TMEM132C: variants seen among roughly 807,000 people sequenced by gnomAD.
TMEM132C encodes protein phosphatase 1, regulatory subunit 152.
TMEM132C carries 29 observed loss-of-function variants against 61.4 expected under a neutral mutation model. The ratio of observed to expected loss-of-function variants is 0.47; its 90% CI spans 0.35 to 0.64. TMEM132C has a LOEUF of 0.64. TMEM132C is among the 30% of genes least tolerant of loss of function. The pLI, the probability that TMEM132C is intolerant of heterozygous loss-of-function variation, is 0.00. For synonymous variants in TMEM132C, 656 were observed against 633.1 expected (o/e 1.04, Z -0.54); for missense variants, 1,408 against 1,476.9 (o/e 0.95, Z 0.76).
intron 1 of TMEM132C, among the ~76,000 whole-genome samples, chr12:128,275,590 G>C (rs1342202302): frequency 6.6e-6 from 1 of 152,080 alleles, no homozygotes; most frequent in African/African-American, 2.4e-5. Flanking sequence ...TAATGTGCTT[G>C]AATGATGCTG....
intron 1 of TMEM132C, among the ~76,000 whole-genome samples, chr12:128,338,040 C>T (rs534949063): frequency 6.6e-6 from 1 of 151,932 alleles, no homozygotes; most frequent in East Asian, 1.9e-4. Flanking sequence ...CACTCCTTGT[C>T]TCTGCCTTGA....
At chr12:128,438,675 G>A (rs544929794) in intron 2 of TMEM132C, among the ~76,000 whole-genome samples, 1 of 152,188 alleles carries the variant, frequency 6.6e-6, no homozygotes, top group East Asian at 1.9e-4. Context: ...GTACATTCAC[G>A]ATTTTGTGTG....
intron 1 of TMEM132C, among the ~76,000 whole-genome samples, chr12:128,355,576 C>T (rs1261217092): frequency 1.3e-5 from 2 of 151,954 alleles, no homozygotes; most frequent in African/African-American, 4.8e-5. Context: ...CCCTCCATGG[C>T]TCCCATCTTA....
chr12:128,625,895 A>G (rs762443726), intron 4 of TMEM132C, among the ~76,000 whole-genome samples: 4 of 152,138 alleles, frequency 2.6e-5, no homozygotes, highest in East Asian at 3.9e-4. Flanking sequence ...GGGGGACACA[A>G]CCATTGTGAA....
At chr12:128,455,536 A>G (rs1870311473) in intron 2 of TMEM132C, among the ~76,000 whole-genome samples, 1 of 152,228 alleles carries the variant, frequency 6.6e-6, no homozygotes, top group Non-Finnish European at 1.5e-5. Context: ...CCACTGAGAT[A>G]TGTATGTGAC....
intron 3 of TMEM132C, among the ~76,000 whole-genome samples, chr12:128,594,070 G>C (rs985054169): frequency 7.4e-5 from 9 of 121,360 alleles, no homozygotes; most frequent in East Asian, 5.8e-4. Context: ...AAACAAGAGG[G>C]AACAAAGAAA....
intron 1 of TMEM132C, among the ~76,000 whole-genome samples, chr12:128,274,198 A>G (rs1246887886): frequency 6.6e-6 from 1 of 152,048 alleles, no homozygotes; most frequent in Non-Finnish European, 1.5e-5. Context: ...ATGTGTACGC[A>G]TTTTTTCTTC....
At chr12:128,705,011 T>C (rs902061) in intron 8 of TMEM132C, 79 bp from the exon 9 acceptor site, 770,638 of 1,427,098 alleles carry the variant, frequency 0.54, 212,610 homozygotes, top group Admixed American at 0.65. Flanking sequence ...CCCTGTTTCA[T>C]TGGGCGTCCT....
At chr12:128,440,780 G>A (rs991195734) in intron 2 of TMEM132C, among the ~76,000 whole-genome samples, 2 of 152,190 alleles carry the variant, frequency 1.3e-5, no homozygotes, top group African/African-American at 4.8e-5. Context: ...CAGGCACGTT[G>A]GCTCACACCT....
chr12:128,639,539 A>G (rs1162925645), intron 4 of TMEM132C, among the ~76,000 whole-genome samples: 2 of 152,160 alleles, frequency 1.3e-5, no homozygotes, highest in African/African-American at 4.8e-5. Flanking sequence ...GAGAAAGAGA[A>G]TGGCATTTTT....
chr12:128,269,347 C>CGTGTTTGTGTGTGTGTGTGTGT (rs1555248768), intron 1 of TMEM132C, among the ~76,000 whole-genome samples: 2 of 143,050 alleles, frequency 1.4e-5, no homozygotes, highest in East Asian at 4.2e-4. Flanking sequence ...GCTCACATTC[C>CGTGTTTGTGTGTGTGTGTGTGT]GTGTGTGTGT....
chr12:128,427,766 C>T lies in TMEM132C; in HGVS notation c.974+12146C>T, dbSNP rs150534142. On this transcript the variant is annotated intron_variant, in intron 2 of 8. Transcript: ENST00000435159. ...GGCTCTCACTCAGATGAAAGCACTC[C>T]TCAGTACAATGTGCAGGAGACAGAG... Among the ~76,000 whole-genome samples, 198 of 152,322 alleles carry T rather than the reference C, an allele frequency of 1.3e-3. 2 individuals carry two copies. The highest frequency in any genetic ancestry group is 4.5e-3 in the African/African-American group (187 of 41,568).
At chr12:128,499,052 C>A (rs1021468926) in intron 2 of TMEM132C, among the ~76,000 whole-genome samples, 3 of 152,012 alleles carry the variant, frequency 2.0e-5, no homozygotes, top group Non-Finnish European at 2.9e-5. Context: ...TAGGGAAATA[C>A]AAAGGACCCA....
chr12:128,383,404 T>G (rs1025130807), intron 1 of TMEM132C, among the ~76,000 whole-genome samples: 1 of 152,118 alleles, frequency 6.6e-6, no homozygotes, highest in Non-Finnish European at 1.5e-5. Flanking sequence ...ACGCTCCGGG[T>G]GCTAAGGAGC....
chr12:128,611,478 G>C (rs1335579245), intron 3 of TMEM132C, among the ~76,000 whole-genome samples: 3 of 152,182 alleles, frequency 2.0e-5, no homozygotes, highest in Non-Finnish European at 2.9e-5. Context: ...TGGGGCGGGA[G>C]CGGGGTTAGG....
intron 3 of TMEM132C, among the ~76,000 whole-genome samples, chr12:128,582,414 CT>C (rs36054458): frequency 0.11 from 14,314 of 132,318 alleles, 750 homozygotes; most frequent in Admixed American, 0.19. Flanking sequence ...ATAGATGCTG[CT>C]TTTTTTTTTT....
At chr12:128,359,607 C>A (rs1873633305) in intron 1 of TMEM132C, among the ~76,000 whole-genome samples, 1 of 152,142 alleles carries the variant, frequency 6.6e-6, no homozygotes, top group Non-Finnish European at 1.5e-5. Flanking sequence ...ATTCCCTGAC[C>A]CTGTTCTAAA....
chr12:128,410,911 T>G (rs1868513385), intron 1 of TMEM132C, among the ~76,000 whole-genome samples: 1 of 152,204 alleles, frequency 6.6e-6, no homozygotes, highest in African/African-American at 2.4e-5. Context: ...TAGACGTCTT[T>G]TTATCCACAA....
intron 2 of TMEM132C, among the ~76,000 whole-genome samples, chr12:128,475,009 A>G (rs1264670825): frequency 6.6e-6 from 1 of 152,164 alleles, no homozygotes; most frequent in African/African-American, 2.4e-5. Context: ...CGCAGAGCAC[A>G]GAATCCAGTG....
Sources: gnomAD v4.1 joint callset for allele counts (sites outside exome capture counted in the v4.1 genomes callset) on GRCh38, gnomAD v4.1.1 for gene constraint, MANE v1.5 for transcripts, NCBI Gene and HGNC (gene_info 2026-07-23, HGNC 2026-07-21) for gene names.